WDFY2: variants seen among roughly 807,000 people sequenced by gnomAD.
WDFY2 encodes WD repeat and FYVE domain containing 2.
WDFY2 carries 36 observed loss-of-function variants against 56.4 expected under a neutral mutation model. The observed-to-expected ratio is 0.64, with a 90% CI of 0.49 to 0.84. The LOEUF (loss-of-function observed/expected upper bound fraction) is 0.84. WDFY2 is among the 40% of genes least tolerant of loss of function. The pLI is 0.00. For missense variants in WDFY2, 444 were observed against 512.2 expected (o/e 0.87, Z 1.29); for synonymous variants, 176 against 183.7 (o/e 0.96, Z 0.34).
chr13:51,676,362 G>A (rs536079639), intron 3 of WDFY2, among the ~76,000 whole-genome samples: 2 of 152,268 alleles, frequency 1.3e-5, no homozygotes, highest in East Asian at 3.9e-4. Context: ...CTGGCCCCCC[G>A]TGTCACCACA....
At chr13:51,706,046 A>T (rs528160656) in intron 4 of WDFY2, among the ~76,000 whole-genome samples, 11 of 152,200 alleles carry the variant, frequency 7.2e-5, no homozygotes, top group Non-Finnish European at 1.6e-4. Context: ...TATAATGAGC[A>T]TATCACTAGA....
intron 8 of WDFY2, among the ~76,000 whole-genome samples, chr13:51,752,551 G>A (rs1018258408): frequency 2.6e-5 from 4 of 152,170 alleles, no homozygotes; most frequent in Non-Finnish European, 5.9e-5. Flanking sequence ...AACCAAACCA[G>A]GGGAGGGGAG....
rs569169884 is a variant in WDFY2, at chr13:51,598,905, C to CTT, written c.137+14102_137+14103dup. Among the ~76,000 whole-genome samples, 628 of 115,688 alleles carry CTT rather than the reference C, an allele frequency of 5.4e-3. 6 individuals are homozygous for CTT. Among genetic ancestry groups the CTT allele is most frequent in the African/African-American group, 0.01 (316 of 31,172 alleles). 75.9% of individuals were successfully genotyped at this position (115,688 alleles called of 152,430 possible). On this transcript the variant is annotated intron_variant, in intron 1 of 11. Transcript: ENST00000298125. The stretch of plus-strand genomic sequence containing the variant: ...GGCACTGGTCCACAAGTGCCATTTA[C>CTT]TTTTTTTTTTTTTTTTTTTTTTGAG...
At chr13:51,733,064 C>G (rs1254074586) in intron 6 of WDFY2, among the ~76,000 whole-genome samples, 2 of 152,198 alleles carry the variant, frequency 1.3e-5, no homozygotes, top group Non-Finnish European at 2.9e-5. Flanking sequence ...GAGACAGAGT[C>G]TTGCTCTGTC....
chr13:51,677,109 C>T (rs746401057), intron 3 of WDFY2, among the ~76,000 whole-genome samples: 6 of 152,086 alleles, frequency 3.9e-5, no homozygotes, highest in Non-Finnish European at 8.8e-5. Context: ...ATATAAGAGG[C>T]GAAACCATCT....
At chr13:51,683,817 A>T (rs923797886) in intron 3 of WDFY2, among the ~76,000 whole-genome samples, 1 of 152,080 alleles carries the variant, frequency 6.6e-6, no homozygotes, top group Admixed American at 6.6e-5. Flanking sequence ...GGTATGTCCT[A>T]GTCTCTGGGG....
intron 5 of WDFY2, among the ~76,000 whole-genome samples, chr13:51,720,942 T>TCC (rs1952473684): frequency 6.8e-6 from 1 of 147,846 alleles, no homozygotes; most frequent in South Asian, 2.2e-4. Context: ...TCATTCTGTC[T>TCC]TCTCTCTCTC....
intron 1 of WDFY2, among the ~76,000 whole-genome samples, chr13:51,595,108 G>T (rs192631041): frequency 3.6e-3 from 552 of 152,268 alleles, no homozygotes; most frequent in Middle Eastern, 0.01. Flanking sequence ...GTAAGGAGAG[G>T]TGTGTAGTGG....
chr13:51,693,700 T>C (rs1297596931), intron 3 of WDFY2, among the ~76,000 whole-genome samples: 18 of 150,734 alleles, frequency 1.2e-4, no homozygotes, highest in Middle Eastern at 3.5e-3. Context: ...CTATTAGGTC[T>C]GCTTGGTGCA....
In WDFY2 at chr13:51,606,564, C is replaced by T. The variant is rs1160734236; in HGVS notation, c.137+21740C>T. 3.3e-5 allele frequency among the ~76,000 whole-genome samples: 5 copies of T among 152,160 alleles called. No homozygotes were observed. The South Asian group carries it at 1.0e-3, about 32-fold the overall frequency. ...CTTTCACAATGAAACTGGCATTTGA[C>T]CTTTTATTAACAAATATATTTTGTT... On this transcript the variant is annotated intron_variant, in intron 1 of 11. Coordinates refer to ENST00000298125, the MANE Select transcript of WDFY2 (RefSeq NM_052950.4).
intron 6 of WDFY2, among the ~76,000 whole-genome samples, chr13:51,730,140 A>T (rs1467127220): frequency 2.6e-5 from 4 of 152,192 alleles, no homozygotes; most frequent in Non-Finnish European, 5.9e-5. Context: ...GGTTCATCCA[A>T]GTTGTAGCAA....
At chr13:51,695,199 G>A (rs565028136) in intron 3 of WDFY2, among the ~76,000 whole-genome samples, 18 of 152,288 alleles carry the variant, frequency 1.2e-4, no homozygotes, top group African/African-American at 3.1e-4. Flanking sequence ...GGCATTCTCC[G>A]TCCAGCTTTG....
In WDFY2 at chr13:51,762,591, T is replaced by C. The variant is rs1953620260; in HGVS notation, c.*2822T>C. On this transcript the variant is annotated 3_prime_UTR_variant, in exon 12 of 12. Transcript: ENST00000298125. ...CATTTTTGTAATTTGTAGAGAAATATGTGCTGGTGTTGGGTGTCTTCCAAG... is the reference window on the plus strand; with the variant it reads ...CATTTTTGTAATTTGTAGAGAAATACGTGCTGGTGTTGGGTGTCTTCCAAG... The C allele has an allele frequency of 6.6e-6, 1 of 152,256 alleles. No individual in the cohort carries two copies. The highest frequency in any genetic ancestry group is 6.5e-5 in the Admixed American group (1 of 15,288). The allele number at this position is 152,256 out of a possible 1,614,324, so 9.4% of individuals were successfully genotyped here.
At chr13:51,604,392 G>A (rs1305971560) in intron 1 of WDFY2, among the ~76,000 whole-genome samples, 1 of 152,072 alleles carries the variant, frequency 6.6e-6, no homozygotes, top group African/African-American at 2.4e-5. Flanking sequence ...CCATTTTCAT[G>A]GGAATCAGAC....
chr13:51,593,508 G>C (rs1265697843), intron 1 of WDFY2, among the ~76,000 whole-genome samples: 1 of 152,076 alleles, frequency 6.6e-6, no homozygotes, highest in African/African-American at 2.4e-5. Flanking sequence ...AATGCTTATA[G>C]TTATGTATGC....
intron 7 of WDFY2, among the ~76,000 whole-genome samples, chr13:51,746,963 A>G (rs1009909026): frequency 6.6e-6 from 1 of 152,280 alleles, no homozygotes; most frequent in Non-Finnish European, 1.5e-5. Flanking sequence ...CAGAAATCCA[A>G]GGAAATCCTG....
At chr13:51,600,809 C>T (rs1954261330) in intron 1 of WDFY2, among the ~76,000 whole-genome samples, 1 of 152,166 alleles carries the variant, frequency 6.6e-6, no homozygotes, top group Admixed American at 6.5e-5. Context: ...AGCCCATGCC[C>T]TTTTCGTTGG....
intron 1 of WDFY2, chr13:51,590,412 C>T (rs1250376196): frequency 6.6e-6 from 1 of 152,140 alleles, no homozygotes; most frequent in Non-Finnish European, 1.5e-5. Flanking sequence ...CAGCATCTTT[C>T]TCTGGCTGTC....
At position 51,756,442 on chromosome 13, in the gene WDFY2, C is replaced by G; in HGVS notation, c.1044C>G (p.His348Gln). The G allele has an allele frequency of 6.2e-7, 1 of 1,613,998 alleles. No individual in the cohort carries two copies. Among genetic ancestry groups the G allele is most frequent in the Non-Finnish European group, 8.5e-7 (1 of 1,179,952 alleles). Residue 348 changes from histidine (H) to glutamine (Q), a missense_variant, in exon 10 of 12, where the codon CAC becomes CAG. By Grantham distance (24) the His-to-Gln change is conservative. Transcript: ENST00000298125. ...AAGTGAGGGTCTGTGACAGCTGCCA[C>G]GAGGCCATCACAGATGAAGAGTAAG... ...EFEVRVCDSC[H>Q]EAITDEERAP...
Sources: allele counts gnomAD v4.1 joint callset (sites outside exome capture counted in the v4.1 genomes callset), GRCh38; gene constraint gnomAD v4.1.1; transcripts MANE v1.5; gene names NCBI Gene and HGNC (gene_info 2026-07-23, HGNC 2026-07-21).